The following NFIC variants were observed in gnomAD, a reference collection of about 807,000 sequenced individuals.
NFIC encodes nuclear factor 1 C-type.
Under a neutral mutation model 54.4 loss-of-function variants are expected in NFIC, and 12 were observed. That is an observed-to-expected ratio of 0.22 (90% confidence interval 0.14 to 0.36). The LOEUF is 0.36. Ranked by LOEUF, NFIC falls within the 10% of genes least tolerant of loss-of-function variation. NFIC has a pLI of 1.00. For synonymous variants in NFIC, 322 were observed against 319.2 expected (o/e 1.01, Z -0.09); for missense variants, 575 against 718.2 (o/e 0.80, Z 2.28).
At chr19:3,363,015 C>T (rs1434294473), upstream of NFIC, among the ~76,000 whole-genome samples, 1 of 151,910 alleles carries the variant, frequency 6.6e-6, no homozygotes, top group Non-Finnish European at 1.5e-5. Flanking sequence ...GAGGATACAA[C>T]TGTATCCAGA....
intron 6 of NFIC, among the ~76,000 whole-genome samples, chr19:3,443,131 A>T (rs2082318990): frequency 6.6e-6 from 1 of 152,162 alleles, no homozygotes; most frequent in Non-Finnish European, 1.5e-5. Flanking sequence ...AACCTGTATT[A>T]ATTATGTAGA....
At chr19:3,455,057 C>T (rs1338463592) in intron 9 of NFIC, among the ~76,000 whole-genome samples, 1 of 152,224 alleles carries the variant, frequency 6.6e-6, no homozygotes, top group Non-Finnish European at 1.5e-5. Context: ...GTGCCCAATT[C>T]ACAGGGCAGT....
intron 2 of NFIC, among the ~76,000 whole-genome samples, chr19:3,424,190 G>A (rs1385340962): frequency 6.6e-6 from 1 of 151,774 alleles, no homozygotes; most frequent in African/African-American, 2.4e-5. Flanking sequence ...ACCATGCCCG[G>A]CTAATTTTTA....
chr19:3,419,418 GA>G (rs2081918088), intron 2 of NFIC, among the ~76,000 whole-genome samples: 1 of 152,032 alleles, frequency 6.6e-6, no homozygotes, highest in African/African-American at 2.4e-5. Flanking sequence ...AGGCTGCAGT[GA>G]GCCATGATTG....
chr19:3,460,417 T>C (rs183208919), intron 10 of NFIC, among the ~76,000 whole-genome samples: 51 of 152,270 alleles, frequency 3.3e-4, no homozygotes, highest in African/African-American at 1.2e-3. Flanking sequence ...GGCCTCACTT[T>C]CTTCACACAA....
rs1206251922 is a variant in NFIC at position 3,458,965 on chromosome 19, T to A, written c.1509+2330T>A. On this transcript the variant is annotated intron_variant, in intron 10 of 10. Coordinates refer to ENST00000443272, the MANE Select transcript of NFIC (RefSeq NM_001245002.2). This position sits in a 1 kb window ranked among gnomAD's most constrained non-coding sequence, Gnocchi z 4.1. ...CCCATTGCTGCTGCCCTGACTGGAC[T>A]AAGAGCACCTGGGTTGAGGCCGGGC... Among the ~76,000 whole-genome samples, 1 of 151,926 alleles carries A rather than the reference T, an allele frequency of 6.6e-6. No homozygotes were observed. The highest frequency in any genetic ancestry group is 1.5e-5 in the Non-Finnish European group (1 of 67,930).
intron 2 of NFIC, among the ~76,000 whole-genome samples, chr19:3,417,000 C>T (rs953484722): frequency 1.3e-5 from 2 of 151,986 alleles, no homozygotes; most frequent in African/African-American, 4.8e-5. Context: ...TCTCCTGCCT[C>T]AGCCTCCGGA....
chr19:3,412,473 G>A (rs915126651), intron 2 of NFIC, among the ~76,000 whole-genome samples: 1 of 152,100 alleles, frequency 6.6e-6, no homozygotes. Context: ...GGCTGGTCTT[G>A]AACTCCTGAC....
At chr19:3,373,577 A>C in intron 1 of NFIC, among the ~76,000 whole-genome samples, 1 of 149,558 alleles carries the variant, frequency 6.7e-6, no homozygotes, top group Non-Finnish European at 1.5e-5. Flanking sequence ...ATCTCTCAAG[A>C]CTTTGTTCAG....
At chr19:3,361,910 C>G (rs1397818136), upstream of NFIC, among the ~76,000 whole-genome samples, 1 of 152,166 alleles carries the variant, frequency 6.6e-6, no homozygotes, top group African/African-American at 2.4e-5. Flanking sequence ...GCACACACAA[C>G]CACACAGAGA....
chr19:3,460,983 G>T (rs1161519683), intron 10 of NFIC, among the ~76,000 whole-genome samples: 2 of 152,022 alleles, frequency 1.3e-5, no homozygotes, highest in Non-Finnish European at 2.9e-5. Flanking sequence ...AAATTAGCTG[G>T]GTGTGATGGC....
At chr19:3,419,559 A>G (rs904050161) in intron 2 of NFIC, among the ~76,000 whole-genome samples, 1 of 152,120 alleles carries the variant, frequency 6.6e-6, no homozygotes, top group African/African-American at 2.4e-5. Flanking sequence ...ACTTGAGGTC[A>G]GAAGTTTGAG....
intron 6 of NFIC, among the ~76,000 whole-genome samples, chr19:3,439,548 A>G (rs1400415563): frequency 6.7e-6 from 1 of 150,132 alleles, no homozygotes; most frequent in East Asian, 2.0e-4. Context: ...AGGCTGAGGC[A>G]GGAGAATCAC....
chr19:3,462,249 GTGGACGC>G, intron 10 of NFIC, among the ~76,000 whole-genome samples: 1 of 151,162 alleles, frequency 6.6e-6, no homozygotes, highest in Non-Finnish European at 1.5e-5. Context: ...AGGTGTGGCG[GTGGACGC>G]CTGTAATCCC....
In NFIC at chr19:3,381,972, C is replaced by T. The variant is rs1017051213; in HGVS notation, c.291C>T (p.Thr97=). 4 of 1,613,512 alleles carry T rather than the reference C, an allele frequency of 2.5e-6. No homozygotes were observed. The highest frequency in any genetic ancestry group is 2.2e-5 in the East Asian group (1 of 44,876). Residue 97 remains threonine (T), a synonymous_variant, in exon 2 of 11, where the codon ACC becomes ACT. Coordinates refer to ENST00000443272, the MANE Select transcript of NFIC (RefSeq NM_001245002.2). The part of the protein sequence containing the change: ...ECREDFVLSI[T]GKKAPGCVLS... Reference sequence around the variant, plus strand: ...GCGAGGACTTCGTGCTGAGCATCACCGGCAAGAAGGCGCCGGGCTGCGTGC... The same window carrying T: ...GCGAGGACTTCGTGCTGAGCATCACTGGCAAGAAGGCGCCGGGCTGCGTGC...
intron 2 of NFIC, among the ~76,000 whole-genome samples, chr19:3,391,685 TA>T (rs1210006177): frequency 6.6e-6 from 1 of 151,692 alleles, no homozygotes; most frequent in Non-Finnish European, 1.5e-5. Flanking sequence ...TAATCCCAGC[TA>T]CTTGGGAGGC....
At chr19:3,419,091 G>C (rs978308672) in intron 2 of NFIC, among the ~76,000 whole-genome samples, 4 of 152,084 alleles carry the variant, frequency 2.6e-5, no homozygotes, top group African/African-American at 9.7e-5. Flanking sequence ...GGGACGGGGA[G>C]TGAGTGTTTC....
Position 3,421,364 on chromosome 19 carries a change from C to A in NFIC, c.563-3742C>A, listed in dbSNP as rs2081951121. On this transcript the variant is annotated intron_variant, in intron 2 of 10. Transcript: ENST00000443272. ...GGCCTGGCGCCCGGACGGCCGGCTG[C>A]CCAGGCTGGGTCCTTCCCAACGTCA... Among the ~76,000 whole-genome samples, 2 of 152,248 alleles carry A rather than the reference C, an allele frequency of 1.3e-5. 1 individual carries two copies. The highest frequency in any genetic ancestry group is 4.1e-4 in the South Asian group (2 of 4,836).
chr19:3,400,459 AGAGT>A (rs1225578598), intron 2 of NFIC, among the ~76,000 whole-genome samples: 1 of 152,162 alleles, frequency 6.6e-6, no homozygotes, highest in Non-Finnish European at 1.5e-5. Flanking sequence ...CCTGGGTGAC[AGAGT>A]GAGACTCTGT....
Sources: allele counts gnomAD v4.1 joint callset (sites outside exome capture counted in the v4.1 genomes callset), GRCh38; gene constraint gnomAD v4.1.1; non-coding constraint Gnocchi (gnomAD v3.1); transcripts MANE v1.5; gene names NCBI Gene and HGNC (gene_info 2026-07-23, HGNC 2026-07-21).